Variants in PIEZO2 observed in about 807,000 individuals in gnomAD.
The protein encoded by PIEZO2 is piezo-type mechanosensitive ion channel component 2.
In PIEZO2, 172 loss-of-function variants were observed where a neutral mutation model predicts 337.3. The ratio of observed to expected loss-of-function variants is 0.51; its 90% CI spans 0.45 to 0.58. PIEZO2 has a LOEUF of 0.58. PIEZO2 is among the 20% of genes least tolerant of loss of function. The probability of loss-of-function intolerance (pLI) is 0.00; values close to 1 mark genes in which losing one functional copy is unlikely to be tolerated. For missense variants in PIEZO2, 3,028 were observed against 3,391.3 expected, an observed-to-expected ratio of 0.89 and a Z score of 2.66; for synonymous variants, 1,251 against 1,228.5, an observed-to-expected ratio of 1.02 and a Z score of -0.38.
rs539236334 is a variant in PIEZO2 at position 11,058,495 on chromosome 18, C to T, written c.160+7632G>A. Among the ~76,000 whole-genome samples, 14 of 152,060 alleles carry T rather than the reference C, an allele frequency of 9.2e-5. No homozygotes were observed. The South Asian group carries it at 2.5e-3, about 27-fold the overall frequency. ...CTACTCTGAGCTAAAGGAGGAAGTTCGAAAACATGGCAAAGAAGTTAAAAA... is the reference window on the plus strand; with the variant it reads ...CTACTCTGAGCTAAAGGAGGAAGTTTGAAAACATGGCAAAGAAGTTAAAAA... On this transcript the variant is annotated intron_variant, in intron 2 of 55. Transcript: ENST00000674853.
chr18:11,108,624 A>T (rs1430486699), intron 1 of PIEZO2, among the ~76,000 whole-genome samples: 2 of 151,292 alleles, frequency 1.3e-5, no homozygotes, highest in African/African-American at 4.9e-5. Flanking sequence ...AAAAAAAAAA[A>T]AAAAAAAAAA....
rs1181728290 is a variant in PIEZO2, at chr18:10,677,598, C to A, written c.8081+149G>T. ...ATAGCTGAGATTAAGTTTCTTTAAT[C>A]TTGCAAAATGGGGCCTCCAAATAGA... On this transcript the variant is annotated intron_variant, in intron 53 of 55. Coordinates refer to ENST00000674853, the MANE Select transcript of PIEZO2 (RefSeq NM_001378183.1). This position sits in a 1 kb window ranked among gnomAD's most constrained non-coding sequence, Gnocchi z 4.1. 1 of 943,054 alleles carries A rather than the reference C, an allele frequency of 1.1e-6. No homozygotes were observed. Among genetic ancestry groups the A allele is most frequent in the South Asian group, 1.6e-5 (1 of 63,656 alleles). The allele number at this position is 943,054 out of a possible 1,614,324, so 58.4% of individuals were successfully genotyped here.
At chr18:10,840,514 T>G (rs999564697) in intron 7 of PIEZO2, among the ~76,000 whole-genome samples, 1 of 152,220 alleles carries the variant, frequency 6.6e-6, no homozygotes, top group Non-Finnish European at 1.5e-5. Flanking sequence ...ATGTTAAGTA[T>G]GATTTCTTCT....
chr18:10,909,155 A>G (rs948917617), intron 4 of PIEZO2, among the ~76,000 whole-genome samples: 3 of 152,244 alleles, frequency 2.0e-5, no homozygotes, highest in Admixed American at 6.5e-5. Flanking sequence ...CAAAAGGACG[A>G]GAAGTCAACA....
chr18:10,880,969 C>A (rs2042404591), intron 4 of PIEZO2, among the ~76,000 whole-genome samples: 1 of 143,890 alleles, frequency 6.9e-6, no homozygotes, highest in Non-Finnish European at 1.5e-5. Flanking sequence ...ATGTGTGTGG[C>A]AAGACTAATA....
chr18:10,721,453 G>C (rs938794630), intron 36 of PIEZO2, among the ~76,000 whole-genome samples: 1 of 152,150 alleles, frequency 6.6e-6, no homozygotes, highest in Non-Finnish European at 1.5e-5. Flanking sequence ...AGTGCTGCCT[G>C]TGCACAATAA....
chr18:10,845,539 A>G (rs2041331496), intron 7 of PIEZO2, among the ~76,000 whole-genome samples: 1 of 152,224 alleles, frequency 6.6e-6, no homozygotes, highest in Non-Finnish European at 1.5e-5. Context: ...TCCAGGGGGA[A>G]CATGGAACTG....
chr18:10,923,024 A>G (rs2031521869), intron 3 of PIEZO2, among the ~76,000 whole-genome samples: 1 of 152,104 alleles, frequency 6.6e-6, no homozygotes. Context: ...TCTGATACCC[A>G]TTGGTTTATT....
At chr18:11,064,080 T>A (rs1041730435) in intron 2 of PIEZO2, among the ~76,000 whole-genome samples, 4 of 151,876 alleles carry the variant, frequency 2.6e-5, no homozygotes, top group African/African-American at 9.7e-5. Flanking sequence ...TTTAAGAAAC[T>A]TCGGAAATTT....
rs564693075 is a variant in PIEZO2 at position 10,750,461 on chromosome 18, C to T, written c.4168-274G>A. Reference sequence around the variant, plus strand: ...CAGTTTATCAAGAAGAAATCTTGGACGATCATAGAAATAAATCCCAACTCT... The same window carrying T: ...CAGTTTATCAAGAAGAAATCTTGGATGATCATAGAAATAAATCCCAACTCT... On this transcript the variant is annotated intron_variant, in intron 28 of 55. Transcript: ENST00000674853. The surrounding 1 kb of genome is among the most constrained non-coding windows in gnomAD (Gnocchi z 4.1). Among the ~76,000 whole-genome samples, 244 of 152,254 alleles carry T rather than the reference C, an allele frequency of 1.6e-3. 1 individual carries two copies. The highest frequency in any genetic ancestry group is 5.6e-3 in the African/African-American group (234 of 41,540).
intron 3 of PIEZO2, among the ~76,000 whole-genome samples, chr18:10,933,260 A>G (rs1367181111): frequency 6.6e-6 from 1 of 152,138 alleles, no homozygotes; most frequent in Non-Finnish European, 1.5e-5. Context: ...GTTTTATCCT[A>G]ATGACAATTG....
rs936619525 is a variant in PIEZO2, at chr18:11,111,889, A to C, written c.64+36636T>G. Among the ~76,000 whole-genome samples, 5 of 152,182 alleles carry C rather than the reference A, an allele frequency of 3.3e-5. No homozygotes were observed. The highest frequency in any genetic ancestry group is 2.0e-4 in the Admixed American group (3 of 15,290). ...TGGATAGATTATAAAGTCAAATAAC[A>C]ATGTGTCTCTTTTAAGATAAAACAC... On this transcript the variant is annotated intron_variant, in intron 1 of 55. Transcript: ENST00000674853. This position sits in a 1 kb window ranked among gnomAD's most constrained non-coding sequence, Gnocchi z 6.2.
chr18:11,024,009 G>T (rs112137978), intron 2 of PIEZO2, among the ~76,000 whole-genome samples: 3,257 of 152,282 alleles, frequency 0.021, 120 homozygotes, highest in African/African-American at 0.074. Flanking sequence ...CGCAGCCCCA[G>T]TTCCCGCCTG....
At chr18:10,948,113 T>C (rs2033116308) in intron 3 of PIEZO2, among the ~76,000 whole-genome samples, 1 of 152,144 alleles carries the variant, frequency 6.6e-6, no homozygotes, top group Non-Finnish European at 1.5e-5. Context: ...TTCAAGTATA[T>C]GGAGGAGCAC....
At chr18:11,085,353 G>C (rs2038875223) in intron 1 of PIEZO2, among the ~76,000 whole-genome samples, 2 of 152,006 alleles carry the variant, frequency 1.3e-5, no homozygotes, top group African/African-American at 4.8e-5. Flanking sequence ...TCACAACACA[G>C]ACTCCAGTCA....
chr18:10,711,656 G>T (rs1433526800), intron 39 of PIEZO2, among the ~76,000 whole-genome samples: 3 of 152,094 alleles, frequency 2.0e-5, no homozygotes, highest in Non-Finnish European at 4.4e-5. Flanking sequence ...CAAGAAGGGA[G>T]GTTAAAAAAA....
chr18:10,698,615 C>T (rs560805196), intron 44 of PIEZO2, among the ~76,000 whole-genome samples: 3 of 152,296 alleles, frequency 2.0e-5, no homozygotes, highest in African/African-American at 7.2e-5. Flanking sequence ...GCAGATTTTT[C>T]GCATGTAACA....
intron 9 of PIEZO2, among the ~76,000 whole-genome samples, chr18:10,803,174 C>T (rs2039884633): frequency 6.6e-6 from 1 of 152,128 alleles, no homozygotes; most frequent in Admixed American, 6.6e-5. Context: ...CATTTATCCA[C>T]GTGCTGTCAT....
rs2038410508 is a variant in PIEZO2 at position 10,767,452 on chromosome 18, G to A, written c.2946+2696C>T. ...GCTCCTGAAGAGCTTTCTTTGTGGAGAGGGGCTGCATCCTGCCTGTCCCCC... is the reference window on the plus strand; with the variant it reads ...GCTCCTGAAGAGCTTTCTTTGTGGAAAGGGGCTGCATCCTGCCTGTCCCCC... On this transcript the variant is annotated intron_variant, in intron 21 of 55. Coordinates refer to ENST00000674853, the MANE Select transcript of PIEZO2 (RefSeq NM_001378183.1). This position sits in a 1 kb window ranked among gnomAD's most constrained non-coding sequence, Gnocchi z 4.2. 6.6e-6 allele frequency among the ~76,000 whole-genome samples: 1 copy of A among 152,150 alleles called. No individual in the cohort carries two copies. Among genetic ancestry groups the A allele is most frequent in the Non-Finnish European group, 1.5e-5 (1 of 68,024 alleles).
Sources: allele counts gnomAD v4.1 joint callset (sites outside exome capture counted in the v4.1 genomes callset), GRCh38; gene constraint gnomAD v4.1.1; non-coding constraint Gnocchi (gnomAD v3.1); transcripts MANE v1.5; gene names NCBI Gene and HGNC (gene_info 2026-07-23, HGNC 2026-07-21).